The following PCNX4 variants were observed in gnomAD, a reference collection of about 807,000 sequenced individuals.
PCNX4 encodes the protein pecanex 4, also known as pecanex-like protein 4.
A neutral mutation model predicts 107.2 loss-of-function variants in PCNX4; 103 were observed. The ratio of observed to expected loss-of-function variants is 0.96; its 90% CI spans 0.82 to 1.13. The LOEUF is 1.13. PCNX4 is among the 50% of genes most tolerant of loss of function. The probability of loss-of-function intolerance (pLI) is 0.00; values close to 1 mark genes in which losing one functional copy is unlikely to be tolerated. For synonymous variants in PCNX4, 541 were observed against 481.7 expected (o/e 1.12, Z -1.61); for missense variants, 1,528 against 1,379.4 (o/e 1.11, Z -1.71).
chr14:60,129,067 TTA>T (rs1896107120), intron 10 of PCNX4, among the ~76,000 whole-genome samples: 1 of 151,122 alleles, frequency 6.6e-6, no homozygotes, highest in South Asian at 2.1e-4. Context: ...ACAAAAAAAA[TTA>T]GCTGGGTGTG....
chr14:60,140,814 C>T lies in PCNX4; in HGVS notation c.*6593C>T, dbSNP rs148759008. ...CATAAAAAGTTTGCTTTTTAATATT[C>T]ATCTTTATTTTTCTTATCTTGAGTA... On this transcript the variant is annotated 3_prime_UTR_variant, in exon 11 of 11. Transcript: ENST00000406854. This position sits in a 1 kb window ranked among gnomAD's most constrained non-coding sequence, Gnocchi z 4.2. 1 of 152,214 alleles carries T rather than the reference C, an allele frequency of 6.6e-6. No homozygotes were observed. The highest frequency in any genetic ancestry group is 1.9e-4 in the East Asian group (1 of 5,178). 9.4% of individuals were successfully genotyped at this position (152,214 alleles called of 1,614,324 possible). A position where few individuals can be genotyped will look rare whatever the true frequency, so the allele number is the denominator to read the frequency against.
intron 7 of PCNX4, among the ~76,000 whole-genome samples, chr14:60,120,111 T>G (rs1895927223): frequency 6.6e-6 from 1 of 152,136 alleles, no homozygotes; most frequent in Non-Finnish European, 1.5e-5. Context: ...CAGCTAAGAT[T>G]TATTACACCA....
chr14:60,116,835 T>C (rs1247708878), intron 6 of PCNX4, among the ~76,000 whole-genome samples: 4 of 152,162 alleles, frequency 2.6e-5, no homozygotes, highest in Non-Finnish European at 4.4e-5. Context: ...GAACAAGATG[T>C]GAAGGTGGAA....
rs1384498004 is a variant in PCNX4 at position 60,136,592 on chromosome 14, C to CT, written c.*2374dup. 6.6e-6 allele frequency: 1 copy of CT among 152,450 alleles called. No homozygotes were observed. The highest frequency in any genetic ancestry group is 6.5e-5 in the Admixed American group (1 of 15,280). 9.4% of individuals were successfully genotyped at this position (152,450 alleles called of 1,614,324 possible). A position where few individuals can be genotyped will look rare whatever the true frequency, so the allele number is the denominator to read the frequency against. The stretch of plus-strand genomic sequence containing the variant: ...AGGGCAGCTTGACAGCAAATGCAGA[C>CT]TTTATGTCTAGCATAAAACCTACAG... On this transcript the variant is annotated 3_prime_UTR_variant, in exon 11 of 11. Coordinates refer to ENST00000406854, the MANE Select transcript of PCNX4 (RefSeq NM_001330177.2).
intron 10 of PCNX4, among the ~76,000 whole-genome samples, chr14:60,133,104 G>A (rs1896184078): frequency 6.6e-6 from 1 of 152,114 alleles, no homozygotes; most frequent in Non-Finnish European, 1.5e-5. Context: ...GTATACCTAA[G>A]AGAAATAAAA....
At chr14:60,120,542 G>A (rs1400944638) in intron 7 of PCNX4, among the ~76,000 whole-genome samples, 1 of 152,156 alleles carries the variant, frequency 6.6e-6, no homozygotes, top group East Asian at 1.9e-4. Context: ...TATTGTACAA[G>A]CCGACTTGCA....
At chr14:60,117,299 A>G (rs1333812955) in intron 6 of PCNX4, among the ~76,000 whole-genome samples, 2 of 152,134 alleles carry the variant, frequency 1.3e-5, no homozygotes, top group Non-Finnish European at 2.9e-5. Context: ...TATCTTTTAT[A>G]ATGTATTTTT....
At chr14:60,106,065 A>C (rs186306) in intron 1 of PCNX4, among the ~76,000 whole-genome samples, 112,346 of 152,028 alleles carry the variant, frequency 0.74, 43,953 homozygotes, top group Non-Finnish European at 0.87. Flanking sequence ...TCAGTGCAGG[A>C]GACAAGCTCG....
chr14:60,122,550 T>A (rs1272600693), intron 8 of PCNX4, among the ~76,000 whole-genome samples: 1 of 152,060 alleles, frequency 6.6e-6, no homozygotes, highest in Admixed American at 6.6e-5. Flanking sequence ...TATTTAAAAT[T>A]ACACTCCCAC....
In PCNX4 at chr14:60,124,879, G is replaced by A. The variant is rs1896023160; in HGVS notation, c.2708G>A (p.Ser903Asn). 3.7e-6 allele frequency: 6 copies of A among 1,613,738 alleles called. No individual in the cohort carries two copies. The highest frequency in any genetic ancestry group is 5.1e-6 in the Non-Finnish European group (6 of 1,179,786). ...CCATATATTCCTCTCATGGAGTTCAGTTGTTCACATTCTCACTTAGTATGC... is the reference window on the plus strand; with the variant it reads ...CCATATATTCCTCTCATGGAGTTCAATTGTTCACATTCTCACTTAGTATGC... ...DMPYIPLMEF[S>N]CSHSHLVCLP... The change falls in exon 9 of 11, where the codon AGT becomes AAT. Residue 903 changes from serine to asparagine, a missense_variant. Coordinates refer to ENST00000406854, the MANE Select transcript of PCNX4 (RefSeq NM_001330177.2).
At position 60,140,214 on chromosome 14, in the gene PCNX4, G is replaced by A. The variant is rs867645154; in HGVS notation, c.*5993G>A. ...ATCCTAGAGTCATCTGACAAAATAT[G>A]TGCACAACTTCATGCCAATTAGTTG... On this transcript the variant is annotated 3_prime_UTR_variant, in exon 11 of 11. Transcript: ENST00000406854. This position sits in a 1 kb window ranked among gnomAD's most constrained non-coding sequence, Gnocchi z 4.2. 1.3e-5 allele frequency: 2 copies of A among 152,262 alleles called. No homozygotes were observed. The highest frequency in any genetic ancestry group is 2.1e-4 in the South Asian group (1 of 4,832). The allele number at this position is 152,262 out of a possible 1,614,324, so 9.4% of individuals were successfully genotyped here. A position where few individuals can be genotyped will look rare whatever the true frequency, so the allele number is the denominator to read the frequency against.
At position 60,136,864 on chromosome 14, in the gene PCNX4, A is replaced by G. The variant is rs1246632681; in HGVS notation, c.*2643A>G. 1 of 152,598 alleles carries G rather than the reference A, an allele frequency of 6.6e-6. No individual in the cohort carries two copies. The highest frequency in any genetic ancestry group is 1.5e-5 in the Non-Finnish European group (1 of 68,056). 9.5% of individuals were successfully genotyped at this position (152,598 alleles called of 1,614,324 possible). A position where few individuals can be genotyped will look rare whatever the true frequency, so the allele number is the denominator to read the frequency against. On this transcript the variant is annotated 3_prime_UTR_variant, in exon 11 of 11. Transcript: ENST00000406854. The stretch of plus-strand genomic sequence containing the variant: ...TTGGGCCTTTTTCCGCCTTGTGGTC[A>G]GGTGGTTAGGCAGCATGTTTCTCAC...
rs777755819 is a variant in PCNX4, at chr14:60,144,424, G to T, written c.*10203G>T. 2.0e-5 allele frequency: 3 copies of T among 153,396 alleles called. No homozygotes were observed. The highest frequency in any genetic ancestry group is 4.3e-5 in the Non-Finnish European group (3 of 68,972). 9.5% of individuals were successfully genotyped at this position (153,396 alleles called of 1,614,324 possible). On this transcript the variant is annotated 3_prime_UTR_variant, in exon 11 of 11. Coordinates refer to ENST00000406854, the MANE Select transcript of PCNX4 (RefSeq NM_001330177.2). ...GGCCTTTAAGAGGTGACTGAGTAAT[G>T]AATGAGATTAAATGCTCTTTTGAAA...
intron 8 of PCNX4, among the ~76,000 whole-genome samples, chr14:60,122,238 CTACAGTA>C (rs1044062755): frequency 2.0e-5 from 3 of 152,120 alleles, no homozygotes; most frequent in Non-Finnish European, 4.4e-5. Flanking sequence ...CTATGTGCCC[CTACAGTA>C]TACTGTCAGC....
At chr14:60,094,505 A>G (rs1245016293) in intron 1 of PCNX4, among the ~76,000 whole-genome samples, 1 of 152,186 alleles carries the variant, frequency 6.6e-6, no homozygotes. Context: ...ACAACACACA[A>G]GAACATCCTT....
In PCNX4 at chr14:60,124,886, A is replaced by G. The variant is rs746555012; in HGVS notation, c.2715A>G (p.Ser905=). Residue 905 remains serine (S), a synonymous_variant, in exon 9 of 11, where the codon TCA becomes TCG. Coordinates refer to ENST00000406854, the MANE Select transcript of PCNX4 (RefSeq NM_001330177.2). ...TTCCTCTCATGGAGTTCAGTTGTTCACATTCTCACTTAGTATGCTTACCCG... is the reference window on the plus strand; with the variant it reads ...TTCCTCTCATGGAGTTCAGTTGTTCGCATTCTCACTTAGTATGCTTACCCG... The part of the protein sequence containing the change: ...PYIPLMEFSC[S]HSHLVCLPAE... 3 of 1,613,738 alleles carry G rather than the reference A, an allele frequency of 1.9e-6. No homozygotes were observed. Among genetic ancestry groups the G allele is most frequent in the Non-Finnish European group, 2.5e-6 (3 of 1,179,786 alleles).
intron 1 of PCNX4, among the ~76,000 whole-genome samples, chr14:60,104,028 A>G (rs1257685157): frequency 2.6e-5 from 4 of 152,246 alleles, no homozygotes; most frequent in African/African-American, 7.2e-5. Flanking sequence ...GTTTTTGAAA[A>G]TGGTAAATAC....
chr14:60,134,280 AGTAACT>A lies in PCNX4; in HGVS notation c.*62_*67del, dbSNP rs1364866045. ...TGTTTTTATTTTTTCATCCTAAAAA[AGTAACT>A]GTGATTCTTGTAACTTGAGGACTTC... On this transcript the variant is annotated 3_prime_UTR_variant, in exon 11 of 11. Coordinates refer to ENST00000406854, the MANE Select transcript of PCNX4 (RefSeq NM_001330177.2). The A allele has an allele frequency of 1.1e-4, 170 of 1,571,070 alleles. No homozygotes were observed. Among genetic ancestry groups the A allele is most frequent in the Middle Eastern group, 1.7e-4 (1 of 5,922 alleles).
chr14:60,132,888 C>G (rs1467032473), intron 10 of PCNX4, among the ~76,000 whole-genome samples: 1 of 152,184 alleles, frequency 6.6e-6, no homozygotes, highest in East Asian at 1.9e-4. Flanking sequence ...CAAATCAAAA[C>G]TACAATAAAA....
Sources: gnomAD v4.1 joint callset for allele counts (sites outside exome capture counted in the v4.1 genomes callset) on GRCh38, gnomAD v4.1.1 for gene constraint, Gnocchi (gnomAD v3.1) non-coding constraint, MANE v1.5 for transcripts, NCBI Gene and HGNC (gene_info 2026-07-23, HGNC 2026-07-21) for gene names.